Variants in CCDC3 observed in about 807,000 individuals in gnomAD.
CCDC3 encodes the protein coiled-coil domain containing 3.
Under a neutral mutation model 21.4 loss-of-function variants are expected in CCDC3, and 24 were observed. That is an observed-to-expected ratio of 1.12 (90% CI 0.81 to 1.58). The LOEUF (loss-of-function observed/expected upper bound fraction) is 1.58, where lower values mean the gene tolerates loss of function less well. Ranked by LOEUF, CCDC3 falls within the 40% of genes most tolerant of loss-of-function variation. The probability of loss-of-function intolerance (pLI) is 0.00; values close to 1 mark genes in which losing one functional copy is unlikely to be tolerated. For missense variants in CCDC3, 425 were observed against 360.9 expected (o/e 1.18, Z -1.44); for synonymous variants, 186 against 166.0 (o/e 1.12, Z -0.93).
At chr10:12,978,412 C>T (rs556679371) in intron 2 of CCDC3, among the ~76,000 whole-genome samples, 4 of 152,338 alleles carry the variant, frequency 2.6e-5, no homozygotes, top group Admixed American at 1.3e-4. Context: ...AAATGTGCTA[C>T]TACCCTCCTT....
chr10:12,908,612 C>CTCT (rs1554752963), intron 2 of CCDC3, among the ~76,000 whole-genome samples: 1 of 139,330 alleles, frequency 7.2e-6, no homozygotes, highest in African/African-American at 2.7e-5. Context: ...TGTGATTTTT[C>CTCT]TTTTTTTTTT....
intron 2 of CCDC3, among the ~76,000 whole-genome samples, chr10:12,962,566 G>A (rs1184059793): frequency 1.3e-5 from 2 of 152,180 alleles, no homozygotes; most frequent in African/African-American, 4.8e-5. Flanking sequence ...TCGCACCACT[G>A]CACTCCAGCC....
chr10:12,980,548 G>A (rs1048802478), intron 2 of CCDC3, among the ~76,000 whole-genome samples: 2 of 152,158 alleles, frequency 1.3e-5, no homozygotes, highest in African/African-American at 2.4e-5. Context: ...AGGAGGGGGT[G>A]GAGGAAGAAA....
intron 5 of CCDC3, among the ~76,000 whole-genome samples, chr10:13,030,205 G>C (rs1486012578): frequency 1.3e-5 from 2 of 152,190 alleles, no homozygotes; most frequent in African/African-American, 4.8e-5. Context: ...TTAAAGAAAA[G>C]AATTTTCAAC....
chr10:12,921,482 C>T (rs1369324873), intron 2 of CCDC3, among the ~76,000 whole-genome samples: 1 of 152,208 alleles, frequency 6.6e-6, no homozygotes, highest in Non-Finnish European at 1.5e-5. Context: ...CTCTGTCTCA[C>T]TGTCACACTT....
At chr10:12,927,773 A>G (rs918555877) in intron 2 of CCDC3, among the ~76,000 whole-genome samples, 1 of 151,974 alleles carries the variant, frequency 6.6e-6, no homozygotes, top group Non-Finnish European at 1.5e-5. Flanking sequence ...AATTTGAACC[A>G]TATTAGAAGT....
At chr10:12,978,695 C>T (rs1358808304) in intron 2 of CCDC3, among the ~76,000 whole-genome samples, 2 of 152,118 alleles carry the variant, frequency 1.3e-5, no homozygotes, top group Non-Finnish European at 2.9e-5. Flanking sequence ...TCTGCAGACA[C>T]GATGACCACC....
intron 5 of CCDC3, among the ~76,000 whole-genome samples, chr10:13,038,417 C>A (rs1341199502): frequency 6.7e-6 from 1 of 149,994 alleles, no homozygotes; most frequent in Non-Finnish European, 1.5e-5. Flanking sequence ...CTGAGTTCTG[C>A]TCTCAAGACT....
At chr10:12,902,968 G>C (rs370140989) in intron 2 of CCDC3, among the ~76,000 whole-genome samples, 46 of 152,320 alleles carry the variant, frequency 3.0e-4, no homozygotes, top group African/African-American at 1.1e-3. Flanking sequence ...AAGCAAAGGT[G>C]AATGTGAAAA....
intron 2 of CCDC3, 104 bp from the exon 3 acceptor site, chr10:12,898,783 C>A (rs1834049954): frequency 1.5e-6 from 2 of 1,323,580 alleles, no homozygotes; most frequent in East Asian, 5.0e-5. Flanking sequence ...GCAACACAGA[C>A]CCCGATTCCC....
intron 5 of CCDC3, among the ~76,000 whole-genome samples, chr10:13,030,990 C>A (rs897119299): frequency 2.0e-5 from 3 of 152,166 alleles, no homozygotes; most frequent in Admixed American, 6.5e-5. Context: ...CTGCACCAAG[C>A]AGACCTAATA....
intron 5 of CCDC3, among the ~76,000 whole-genome samples, chr10:13,041,891 T>G (rs1836462123): frequency 6.6e-6 from 1 of 151,874 alleles, no homozygotes; most frequent in Non-Finnish European, 1.5e-5. Context: ...CCTACCAAAG[T>G]GCTGGGATTA....
chr10:13,002,795 CAGGAAG>C (rs1835875454), upstream of CCDC3, among the ~76,000 whole-genome samples: 1 of 152,196 alleles, frequency 6.6e-6, no homozygotes, highest in Non-Finnish European at 1.5e-5. Flanking sequence ...GTTTTGGAGG[CAGGAAG>C]TCCAAGATTA....
chr10:12,971,288 C>T (rs976370161), intron 2 of CCDC3, among the ~76,000 whole-genome samples: 2 of 152,212 alleles, frequency 1.3e-5, no homozygotes, highest in Non-Finnish European at 2.9e-5. Context: ...AATGCCTGGG[C>T]AGAACATGCA....
chr10:12,958,859 C>T (rs941454633), intron 2 of CCDC3, among the ~76,000 whole-genome samples: 13 of 152,080 alleles, frequency 8.5e-5, no homozygotes, highest in African/African-American at 3.1e-4. Flanking sequence ...GCAAAGGTCT[C>T]ACTGCCTGGC....
intron 2 of CCDC3, among the ~76,000 whole-genome samples, chr10:12,916,252 T>A (rs1834353369): frequency 1.3e-5 from 2 of 151,956 alleles, no homozygotes; most frequent in Non-Finnish European, 2.9e-5. Flanking sequence ...GCCAACATGG[T>A]GAAACCCCGT....
intron 2 of CCDC3, among the ~76,000 whole-genome samples, chr10:12,954,663 C>A (rs1564297399): frequency 6.6e-6 from 1 of 152,158 alleles, no homozygotes; most frequent in Non-Finnish European, 1.5e-5. Context: ...AGAGTGAAAA[C>A]TCATTCATTC....
At chr10:13,005,490 A>C (rs1564317459), upstream of CCDC3, among the ~76,000 whole-genome samples, 2 of 152,182 alleles carry the variant, frequency 1.3e-5, no homozygotes, top group Non-Finnish European at 2.9e-5. Flanking sequence ...TCATGATGAG[A>C]AGTTCAGATT....
intron 2 of CCDC3, among the ~76,000 whole-genome samples, chr10:12,959,604 G>T (rs935860515): frequency 1.2e-4 from 18 of 152,186 alleles, no homozygotes; most frequent in African/African-American, 4.3e-4. Context: ...AAGGAGCAGG[G>T]TGGGAAACCA....
Sources: gnomAD v4.1 joint callset for allele counts (sites outside exome capture counted in the v4.1 genomes callset) on GRCh38, gnomAD v4.1.1 for gene constraint, MANE v1.5 for transcripts, NCBI Gene and HGNC (gene_info 2026-07-23, HGNC 2026-07-21) for gene names.